Variants in BNC2 observed in about 807,000 individuals in gnomAD.
BNC2 encodes the protein zinc finger protein basonuclin-2.
Under a neutral mutation model 76.3 loss-of-function variants are expected in BNC2, and 20 were observed. The observed-to-expected ratio is 0.26, with a 90% CI of 0.18 to 0.38. BNC2 has a LOEUF of 0.38. Ranked by LOEUF, BNC2 falls within the 10% of genes least tolerant of loss-of-function variation. BNC2 has a pLI of 1.00. For synonymous variants in BNC2, 582 were observed against 514.8 expected (o/e 1.13, Z -1.77); for missense variants, 1,382 against 1,399.8 (o/e 0.99, Z 0.20).
At chr9:16,748,586 G>C (rs147199134) in intron 1 of BNC2, among the ~76,000 whole-genome samples, 1 of 151,770 alleles carries the variant, frequency 6.6e-6, no homozygotes, top group East Asian at 2.0e-4. Context: ...GCTCATGCCT[G>C]TATCCCAGCA....
chr9:16,477,498 G>T (rs1264223057), intron 5 of BNC2, among the ~76,000 whole-genome samples: 1 of 152,008 alleles, frequency 6.6e-6, no homozygotes, highest in Non-Finnish European at 1.5e-5. Flanking sequence ...TTTTCAAAAA[G>T]AATTAGTTAT....
chr9:16,776,180 C>G (rs1432979577), intron 1 of BNC2, among the ~76,000 whole-genome samples: 1 of 148,474 alleles, frequency 6.7e-6, no homozygotes, highest in East Asian at 2.1e-4. Flanking sequence ...GCTCTTGTCG[C>G]CCAGGCTGGA....
At chr9:16,725,414 C>T (rs976289435) in intron 3 of BNC2, among the ~76,000 whole-genome samples, 1 of 152,024 alleles carries the variant, frequency 6.6e-6, no homozygotes, top group African/African-American at 2.4e-5. Context: ...CTCATATCCT[C>T]TTTTACATGC....
Position 16,415,199 on chromosome 9 carries a change from T to A in BNC2, c.*3790A>T, listed in dbSNP as rs1254940034. 6.6e-6 allele frequency: 1 copy of A among 152,366 alleles called. No individual in the cohort carries two copies. Among genetic ancestry groups the A allele is most frequent in the African/African-American group, 2.4e-5 (1 of 41,452 alleles). 9.4% of individuals were successfully genotyped at this position (152,366 alleles called of 1,614,324 possible). A position where few individuals can be genotyped will look rare whatever the true frequency, so the allele number is the denominator to read the frequency against. ...ATTGGGTTGACTTATTTAAATACAATTAATATCAGAACAAAGAATGCCAAG... is the reference window on the plus strand; with the variant it reads ...ATTGGGTTGACTTATTTAAATACAAATAATATCAGAACAAAGAATGCCAAG... On this transcript the variant is annotated 3_prime_UTR_variant, in exon 7 of 7. Transcript: ENST00000380672.
chr9:16,833,512 T>C (rs888591542), intron 1 of BNC2, among the ~76,000 whole-genome samples: 1 of 152,178 alleles, frequency 6.6e-6, no homozygotes, highest in Non-Finnish European at 1.5e-5. Context: ...CTATATTCCT[T>C]TATGGTTCCT....
At chr9:16,785,091 G>A (rs1021238193) in intron 1 of BNC2, among the ~76,000 whole-genome samples, 3 of 152,148 alleles carry the variant, frequency 2.0e-5, no homozygotes, top group African/African-American at 4.8e-5. Flanking sequence ...TTTTGGAAAG[G>A]GAATGTGTTT....
chr9:16,509,142 T>G (rs1257927663), intron 5 of BNC2, among the ~76,000 whole-genome samples: 1 of 152,122 alleles, frequency 6.6e-6, no homozygotes, highest in South Asian at 2.1e-4. Flanking sequence ...TTGCACATCT[T>G]AAACTCACCC....
chr9:16,598,201 AT>A (rs1820148430), intron 3 of BNC2, among the ~76,000 whole-genome samples: 2 of 152,204 alleles, frequency 1.3e-5, no homozygotes, highest in African/African-American at 4.8e-5. Flanking sequence ...CTAAGAAGCT[AT>A]CAATATATAA....
At chr9:16,745,133 T>C (rs1348066371) in intron 1 of BNC2, among the ~76,000 whole-genome samples, 12 of 152,248 alleles carry the variant, frequency 7.9e-5, no homozygotes, top group Non-Finnish European at 1.8e-4. Context: ...GTTCACAGAA[T>C]TGTTGTGAAG....
At chr9:16,856,860 G>A (rs1819270939) in intron 1 of BNC2, among the ~76,000 whole-genome samples, 1 of 152,146 alleles carries the variant, frequency 6.6e-6, no homozygotes, top group Non-Finnish European at 1.5e-5. Flanking sequence ...TCCAATCCTA[G>A]ATGGTGAAAT....
At chr9:16,624,363 A>C (rs1317463431) in intron 3 of BNC2, among the ~76,000 whole-genome samples, 3 of 152,158 alleles carry the variant, frequency 2.0e-5, no homozygotes, top group East Asian at 1.9e-4. Context: ...TATGGCAACA[A>C]CACCAGATGT....
chr9:16,510,655 T>C (rs1009534730), intron 5 of BNC2, among the ~76,000 whole-genome samples: 2 of 152,224 alleles, frequency 1.3e-5, no homozygotes, highest in African/African-American at 2.4e-5. Flanking sequence ...TTTTGAATCA[T>C]TTCCTCTTCC....
At chr9:16,697,836 G>C (rs1044401946) in intron 3 of BNC2, among the ~76,000 whole-genome samples, 1 of 152,090 alleles carries the variant, frequency 6.6e-6, no homozygotes, top group South Asian at 2.1e-4. Flanking sequence ...CCTTTAATAA[G>C]TTCTTTAAAA....
chr9:16,810,543 G>A (rs1045667352), intron 1 of BNC2, among the ~76,000 whole-genome samples: 1 of 152,234 alleles, frequency 6.6e-6, no homozygotes, highest in Admixed American at 6.5e-5. Flanking sequence ...ACATTCATGG[G>A]GAAGGCCCTG....
intron 1 of BNC2, among the ~76,000 whole-genome samples, chr9:16,746,254 G>A (rs1458560400): frequency 6.6e-6 from 1 of 151,998 alleles, no homozygotes; most frequent in East Asian, 1.9e-4. Flanking sequence ...AAATTTTTAG[G>A]AAACTTACAA....
At chr9:16,836,989 CA>C (rs200429911) in intron 1 of BNC2, among the ~76,000 whole-genome samples, 10 of 148,456 alleles carry the variant, frequency 6.7e-5, no homozygotes, top group Admixed American at 1.3e-4. Context: ...TTGGCTCTGC[CA>C]AAAAAAAAAT....
chr9:16,585,238 T>C (rs1248096481), intron 3 of BNC2, among the ~76,000 whole-genome samples: 2 of 152,202 alleles, frequency 1.3e-5, no homozygotes, highest in African/African-American at 4.8e-5. Context: ...TTTTTTTTAC[T>C]GGTTGAATCA....
chr9:16,729,790 G>A (rs915346321), intron 2 of BNC2, among the ~76,000 whole-genome samples: 5 of 152,072 alleles, frequency 3.3e-5, no homozygotes, highest in Non-Finnish European at 5.9e-5. Context: ...AAATTTGCTA[G>A]CCTCTTGATT....
chr9:16,681,751 T>G (rs983765828), intron 3 of BNC2, among the ~76,000 whole-genome samples: 4 of 152,174 alleles, frequency 2.6e-5, no homozygotes, highest in Non-Finnish European at 4.4e-5. Context: ...TATGTACATT[T>G]TTCAAATAAA....
Sources: gnomAD v4.1 joint callset for allele counts (sites outside exome capture counted in the v4.1 genomes callset) on GRCh38, gnomAD v4.1.1 for gene constraint, MANE v1.5 for transcripts, NCBI Gene and HGNC (gene_info 2026-07-23, HGNC 2026-07-21) for gene names.